SUCLG2: variants seen among roughly 807,000 people sequenced by gnomAD.
SUCLG2 encodes succinate-CoA ligase GDP-forming subunit beta, also known as succinate--CoA ligase [GDP-forming] subunit beta, mitochondrial.
SUCLG2 carries 42 observed loss-of-function variants against 47.9 expected under a neutral mutation model. The ratio of observed to expected loss-of-function variants is 0.88; its 90% confidence interval spans 0.69 to 1.14. The LOEUF is 1.14. Among genes scored for constraint, SUCLG2 ranks in the 50% most tolerant of loss-of-function variants. The pLI is 0.00. For synonymous variants in SUCLG2, 195 were observed against 197.3 expected (o/e 0.99, Z 0.10); for missense variants, 571 against 525.9 (o/e 1.09, Z -0.84).
intron 1 of SUCLG2, among the ~76,000 whole-genome samples, chr3:67,627,285 T>G (rs1046515761): frequency 6.6e-6 from 1 of 152,146 alleles, no homozygotes; most frequent in Admixed American, 6.6e-5. Flanking sequence ...AATTAGTTAC[T>G]CCTTTGGGAA....
At chr3:67,574,354 T>A (rs1293385806) in intron 2 of SUCLG2, among the ~76,000 whole-genome samples, 1 of 152,322 alleles carries the variant, frequency 6.6e-6, no homozygotes, top group South Asian at 2.1e-4. Flanking sequence ...ACTTTTCTAA[T>A]GACCACATGG....
intron 2 of SUCLG2, among the ~76,000 whole-genome samples, chr3:67,540,513 C>T (rs1038234524): frequency 6.6e-6 from 1 of 152,180 alleles, no homozygotes; most frequent in African/African-American, 2.4e-5. Flanking sequence ...CCTCTCTGGG[C>T]AGGGCATCTC....
chr3:67,586,163 C>A (rs922503259), intron 2 of SUCLG2, among the ~76,000 whole-genome samples: 1 of 152,122 alleles, frequency 6.6e-6, no homozygotes, highest in African/African-American at 2.4e-5. Flanking sequence ...ACAATTACTT[C>A]TATTTTTTAA....
At position 67,643,251 on chromosome 3, in the gene SUCLG2, A is replaced by G. The variant is rs192844551; in HGVS notation, c.84+11252T>C. Among the ~76,000 whole-genome samples, 774 of 152,290 alleles carry G rather than the reference A, an allele frequency of 5.1e-3. 6 individuals are homozygous for G. Among genetic ancestry groups the G allele is most frequent in the African/African-American group, 0.017 (705 of 41,540 alleles). On this transcript the variant is annotated intron_variant, in intron 1 of 10. Coordinates refer to ENST00000307227, the MANE Select transcript of SUCLG2 (RefSeq NM_003848.4). ...ACATTTATTCTGTGACTTAAACTACAACGACTACGACCGCCATCACTCACT... is the reference window on the plus strand; with the variant it reads ...ACATTTATTCTGTGACTTAAACTACGACGACTACGACCGCCATCACTCACT...
chr3:67,507,211 A>T (rs556050762), intron 7 of SUCLG2, among the ~76,000 whole-genome samples: 1 of 152,288 alleles, frequency 6.6e-6, no homozygotes, highest in South Asian at 2.1e-4. Flanking sequence ...CTTTAAAAAA[A>T]ATATTTATGA....
chr3:67,611,659 G>GA (rs1219298308), intron 1 of SUCLG2, among the ~76,000 whole-genome samples: 6 of 152,110 alleles, frequency 3.9e-5, no homozygotes, highest in Non-Finnish European at 8.8e-5. Context: ...ACCAAAGAAA[G>GA]AAAAAATATA....
chr3:67,480,341 G>C (rs1417351731), intron 9 of SUCLG2, among the ~76,000 whole-genome samples: 1 of 152,224 alleles, frequency 6.6e-6, no homozygotes, highest in Non-Finnish European at 1.5e-5. Flanking sequence ...GAATCATCTA[G>C]AAGGCTTGTT....
chr3:67,439,653 C>T (rs1703710715), intron 9 of SUCLG2, among the ~76,000 whole-genome samples: 1 of 151,974 alleles, frequency 6.6e-6, no homozygotes. Flanking sequence ...GAATAAAATA[C>T]CTAGGAATAC....
intron 9 of SUCLG2, among the ~76,000 whole-genome samples, chr3:67,454,101 T>G (rs1474753863): frequency 6.6e-6 from 1 of 152,210 alleles, no homozygotes. Flanking sequence ...TAGGCCTAAG[T>G]GGATGTAAAT....
downstream of SUCLG2, among the ~76,000 whole-genome samples, chr3:67,370,644 A>G (rs1437972358): frequency 6.6e-6 from 1 of 152,234 alleles, no homozygotes; most frequent in Non-Finnish European, 1.5e-5. Flanking sequence ...CCTTATGGAA[A>G]GGTTTAATTT....
chr3:67,420,862 G>A (rs1703142127), intron 9 of SUCLG2, among the ~76,000 whole-genome samples: 1 of 152,162 alleles, frequency 6.6e-6, no homozygotes, highest in African/African-American at 2.4e-5. Flanking sequence ...GAGTTAGTAA[G>A]AAACATGACT....
At chr3:67,390,652 G>GTTTT (rs200231997) in intron 10 of SUCLG2, among the ~76,000 whole-genome samples, 10 of 145,148 alleles carry the variant, frequency 6.9e-5, no homozygotes, top group African/African-American at 2.5e-4. Context: ...TGAAATGAGG[G>GTTTT]TTTTTTTTTT....
intron 9 of SUCLG2, chr3:67,408,885 C>T: frequency 1.4e-6 from 2 of 1,475,796 alleles, no homozygotes; most frequent in South Asian, 1.4e-5. Context: ...ATGTTCGTTC[C>T]ACTCCCTCTG....
intron 1 of SUCLG2, among the ~76,000 whole-genome samples, chr3:67,613,992 G>C (rs1412600638): frequency 6.6e-6 from 1 of 152,196 alleles, no homozygotes; most frequent in African/African-American, 2.4e-5. Context: ...CTTTGGGAGG[G>C]AGGGAGGTGG....
intron 9 of SUCLG2, among the ~76,000 whole-genome samples, chr3:67,435,992 G>A (rs960700107): frequency 6.6e-6 from 1 of 152,164 alleles, no homozygotes; most frequent in Non-Finnish European, 1.5e-5. Flanking sequence ...CCGAAGAGAT[G>A]CATACGTTAT....
intron 9 of SUCLG2, among the ~76,000 whole-genome samples, chr3:67,470,347 G>A (rs376116330): frequency 3.0e-4 from 46 of 152,134 alleles, no homozygotes; most frequent in South Asian, 1.0e-3. Flanking sequence ...TATTTCTCTC[G>A]TATACTTCAG....
At chr3:67,479,344 T>A (rs1412981792) in intron 9 of SUCLG2, among the ~76,000 whole-genome samples, 1 of 151,528 alleles carries the variant, frequency 6.6e-6, no homozygotes, top group Non-Finnish European at 1.5e-5. Context: ...AAAAAAGCAG[T>A]GGTTTTTTCA....
chr3:67,533,743 A>ATG (rs1706463306), intron 2 of SUCLG2, among the ~76,000 whole-genome samples: 1 of 152,204 alleles, frequency 6.6e-6, no homozygotes, highest in East Asian at 1.9e-4. Flanking sequence ...GAGAGTTACC[A>ATG]ATCTTCAATC....
rs193050908 is a variant in SUCLG2 at position 67,374,907 on chromosome 3, G to A, written c.*837C>T. On this transcript the variant is annotated 3_prime_UTR_variant, in exon 11 of 11. Coordinates refer to ENST00000307227, the MANE Select transcript of SUCLG2 (RefSeq NM_003848.4). ...GATTCTGGGAGGATGAGGAGTAAGAGAGAAACGAGGAGAGAAGATAGTGAT... is the reference window on the plus strand; with the variant it reads ...GATTCTGGGAGGATGAGGAGTAAGAAAGAAACGAGGAGAGAAGATAGTGAT... 3.0e-6 allele frequency: 3 copies of A among 985,186 alleles called. No individual in the cohort carries two copies. The highest frequency in any genetic ancestry group is 4.7e-5 in the South Asian group (1 of 21,282). The allele number at this position is 985,186 out of a possible 1,614,324, so 61.0% of individuals were successfully genotyped here.
Sources: allele counts gnomAD v4.1 joint callset (sites outside exome capture counted in the v4.1 genomes callset), GRCh38; gene constraint gnomAD v4.1.1; transcripts MANE v1.5; gene names NCBI Gene and HGNC (gene_info 2026-07-23, HGNC 2026-07-21).